DOCK6: variants seen among roughly 807,000 people sequenced by gnomAD.
DOCK6 encodes the protein dedicator of cytokinesis protein 6.
A neutral mutation model predicts 230.3 loss-of-function variants in DOCK6; 167 were observed. The ratio of observed to expected loss-of-function variants is 0.73; its 90% CI spans 0.64 to 0.82. DOCK6 has a LOEUF of 0.82. DOCK6 is among the 40% of genes least tolerant of loss of function. DOCK6 has a pLI of 0.00. For missense variants in DOCK6, 2,598 were observed against 2,825.8 expected (o/e 0.92, Z 1.83); for synonymous variants, 1,148 against 1,185.0 (o/e 0.97, Z 0.64).
chr19:11,232,190 T>G, intron 22 of DOCK6: 1 of 1,288,608 alleles, frequency 7.8e-7, no homozygotes, highest in Non-Finnish European at 1.0e-6. Context: ...GGCACCTGTC[T>G]GGGGTCGGCC....
In DOCK6 at chr19:11,236,813, C is replaced by T. The variant is rs549146148; in HGVS notation, c.2140G>A (p.Val714Met). The T allele has an allele frequency of 3.4e-4, 524 of 1,554,026 alleles. 7 individuals are homozygous for T. In the South Asian group the frequency reaches 6.0e-3, roughly 18 times the overall value. Residue 714 changes from valine to methionine, a missense_variant, in exon 19 of 48, where the codon GTG (valine) becomes ATG (methionine). Val to Met is a conservative substitution (Grantham distance 21, BLOSUM62 1). Transcript: ENST00000294618. This position sits in a 1 kb window ranked among gnomAD's most constrained non-coding sequence, Gnocchi z 5.2. ...KGVFSVELTA[V>M]SSVHPQDPYL... is the part of the protein sequence containing the mutation. The stretch of plus-strand genomic sequence containing the variant: ...CGTACCTGGGGGTGCACAGAGGACA[C>T]GGCTGTGAGCTCCACACTGAACACG...
chr19:11,257,044 T>G (rs1313576243), intron 1 of DOCK6, among the ~76,000 whole-genome samples: 2 of 151,670 alleles, frequency 1.3e-5, no homozygotes, highest in African/African-American at 4.8e-5. Flanking sequence ...TGGAATGCAG[T>G]GGTGCAATCA....
At position 11,213,165 on chromosome 19, in the gene DOCK6, C is replaced by T. The variant is rs747742624; in HGVS notation, c.4491+11G>A. ...GCCATGTGTGGACCATGCCTCCTAG[C>T]CCCCACTCACGTGGCCGATCTCGAA... On this transcript the variant is annotated intron_variant, in intron 35 of 47. Coordinates refer to ENST00000294618, the MANE Select transcript of DOCK6 (RefSeq NM_020812.4). 1 of 1,608,918 alleles carries T rather than the reference C, an allele frequency of 6.2e-7. No homozygotes were observed.
intron 37 of DOCK6, 124 bp from the exon 38 acceptor site, chr19:11,209,227 C>A: frequency 3.7e-6 from 4 of 1,088,980 alleles, no homozygotes; most frequent in Non-Finnish European, 5.3e-6. Context: ...CCAATCTCCT[C>A]ACCTGTACCC....
chr19:11,232,484 G>A (rs1364414415), intron 22 of DOCK6, among the ~76,000 whole-genome samples: 3 of 152,098 alleles, frequency 2.0e-5, no homozygotes, highest in Non-Finnish European at 4.4e-5. Flanking sequence ...GGGTCCACAG[G>A]TGCATGCATA....
chr19:11,248,558 G>A (rs977000468), intron 6 of DOCK6, among the ~76,000 whole-genome samples: 1 of 151,954 alleles, frequency 6.6e-6, no homozygotes, highest in Admixed American at 6.6e-5. Context: ...TTGCAGCTTA[G>A]CCAACACTTC....
At chr19:11,231,008 G>A (rs2079756852) in intron 22 of DOCK6, among the ~76,000 whole-genome samples, 2 of 152,150 alleles carry the variant, frequency 1.3e-5, no homozygotes, top group African/African-American at 4.8e-5. Context: ...TGCACCGTGA[G>A]GGCCTTCCAT....
chr19:11,212,567 T>G (rs1185854229), intron 35 of DOCK6, among the ~76,000 whole-genome samples: 1 of 144,158 alleles, frequency 6.9e-6, no homozygotes, highest in Non-Finnish European at 1.5e-5. Flanking sequence ...CTTTCTTTCT[T>G]TTTTTTTTTT....
intron 14 of DOCK6, chr19:11,240,375 G>A: frequency 7.2e-7 from 1 of 1,397,538 alleles, no homozygotes; most frequent in Non-Finnish European, 9.5e-7. Context: ...GAGTCCCAAA[G>A]ACCTCCCAGA....
chr19:11,232,264 A>G lies in DOCK6; in HGVS notation c.2718+939T>C, dbSNP rs1454211255. The G allele has an allele frequency of 3.1e-6, 4 of 1,289,520 alleles. No individual in the cohort carries two copies. The African/African-American group carries it at 6.1e-5, about 20-fold the overall frequency. The allele number at this position is 1,289,520 out of a possible 1,614,324, so 79.9% of individuals were successfully genotyped here. On this transcript the variant is annotated intron_variant, in intron 22 of 47. Coordinates refer to ENST00000294618, the MANE Select transcript of DOCK6 (RefSeq NM_020812.4). ...GCCTCCTGGAGCATAAGCGGAATTC[A>G]CCCAGGAGTGTGAGCGATCGATGCC...
In DOCK6 at chr19:11,199,388, G is replaced by T; in HGVS notation, c.*109C>A. On this transcript the variant is annotated 3_prime_UTR_variant, in exon 48 of 48. Transcript: ENST00000294618. Reference sequence around the variant, plus strand: ...GGCAGAGGGCCCAGCCCCAAGTACAGTGTGGTCACCCCACAGCCCAGTGGG... The same window carrying T: ...GGCAGAGGGCCCAGCCCCAAGTACATTGTGGTCACCCCACAGCCCAGTGGG... 1 of 1,318,374 alleles carries T rather than the reference G, an allele frequency of 7.6e-7. No homozygotes were observed. Among genetic ancestry groups the T allele is most frequent in the Non-Finnish European group, 1.1e-6 (1 of 935,536 alleles). 81.7% of individuals were successfully genotyped at this position (1,318,374 alleles called of 1,614,324 possible). A position where few individuals can be genotyped will look rare whatever the true frequency, so the allele number is the denominator to read the frequency against.
At position 11,200,399 on chromosome 19, in the gene DOCK6, C is replaced by T; in HGVS notation, c.6010G>A (p.Glu2004Lys). Reference sequence around the variant, plus strand: ...TCCCGCAGGCGGCAGTAGTTGCGCTCCAGCTCACGGTGGTACTCCTTCTGG... The same window carrying T: ...TCCCGCAGGCGGCAGTAGTTGCGCTTCAGCTCACGGTGGTACTCCTTCTGG... ...PDQKEYHREL[E>K]RNYCRLREAL... The change falls in exon 47 of 48, where the codon GAG becomes AAG. Residue 2004 changes from glutamate to lysine, a missense_variant. By Grantham distance (56) the Glu-to-Lys change is moderately conservative. Transcript: ENST00000294618. This position sits in a 1 kb window ranked among gnomAD's most constrained non-coding sequence, Gnocchi z 4.3. 6.2e-7 allele frequency: 1 copy of T among 1,608,486 alleles called. No individual in the cohort carries two copies. The highest frequency in any genetic ancestry group is 8.5e-7 in the Non-Finnish European group (1 of 1,177,680).
rs756189453 is a variant in DOCK6, at chr19:11,253,780, G to A, written c.45-54C>T. 2.4e-4 allele frequency: 296 copies of A among 1,226,254 alleles called. 1 individual carries two copies. The highest frequency in any genetic ancestry group is 5.7e-4 in the Middle Eastern group (3 of 5,246). 76.0% of individuals were successfully genotyped at this position (1,226,254 alleles called of 1,614,324 possible). ...GACGGGAAAACTCAGGCAGCGGAGC[G>A]GACAGATTCTTTCTATGAGGAAAAT... is the stretch of plus-strand genomic sequence containing the variant. On this transcript the variant is annotated intron_variant, in intron 1 of 47. Transcript: ENST00000294618.
At chr19:11,205,862 T>G (rs1311169843) in intron 39 of DOCK6, 1 of 150,402 alleles carries the variant, frequency 6.6e-6, no homozygotes, top group Admixed American at 6.7e-5. Context: ...CGACCTCAAG[T>G]GATCTGCCCG....
chr19:11,246,190 C>T (rs534798001), intron 7 of DOCK6, among the ~76,000 whole-genome samples: 36 of 152,092 alleles, frequency 2.4e-4, no homozygotes, highest in African/African-American at 8.0e-4. Context: ...CCTCAGCCTC[C>T]TGAGTAGCTG....
intron 28 of DOCK6, among the ~76,000 whole-genome samples, chr19:11,219,695 C>T (rs2079551707): frequency 6.6e-6 from 1 of 150,752 alleles, no homozygotes; most frequent in Admixed American, 6.6e-5. Context: ...GAGGCTGAAG[C>T]AGGAGAATGG....
chr19:11,202,698 C>T lies in DOCK6; in HGVS notation c.5247G>A (p.Gly1749=). The T allele has an allele frequency of 6.2e-7, 1 of 1,613,950 alleles. No homozygotes were observed. Among genetic ancestry groups the T allele is most frequent in the Non-Finnish European group, 8.5e-7 (1 of 1,179,912 alleles). The part of the protein sequence containing the change: ...HQSSGWERVF[G]TYFRVGFYGA... ...CGTAGAAGCCCACGCGGAAATACGT[C>T]CCGAACACGCGCTGGGGCTGTGAGA... The change falls in exon 42 of 48, where the codon GGG becomes GGA. Residue 1749 remains glycine (G), a synonymous_variant. Transcript: ENST00000294618. The surrounding 1 kb of genome is among the most constrained non-coding windows in gnomAD (Gnocchi z 5.3).
chr19:11,251,439 C>A (rs977579804), intron 5 of DOCK6: 8 of 209,310 alleles, frequency 3.8e-5, no homozygotes, highest in Middle Eastern at 1.9e-3. Flanking sequence ...TCACTGTCGC[C>A]AGGGAAGGAG....
Position 11,228,964 on chromosome 19 carries a change from G to T in DOCK6, c.2790C>A (p.His930Gln), listed in dbSNP as rs199846066. 1.2e-6 allele frequency: 2 copies of T among 1,613,812 alleles called. No individual in the cohort carries two copies. The highest frequency in any genetic ancestry group is 2.2e-5 in the East Asian group (1 of 44,872). The change falls in exon 23 of 48, where the codon CAC becomes CAA. Residue 930 changes from histidine to glutamine, a missense_variant. Transcript: ENST00000294618. Reference protein sequence around the residue: ...SSAVREAILQHAWFFFQLMVK... With the variant: ...SSAVREAILQQAWFFFQLMVK... ...CCATGAGCTGGAAGAAGAACCAGGC[G>T]TGCTGGAGGATGGCCTCGCGTACGG... is the stretch of plus-strand genomic sequence containing the variant.
Sources: gnomAD v4.1 joint callset for allele counts (sites outside exome capture counted in the v4.1 genomes callset) on GRCh38, gnomAD v4.1.1 for gene constraint, Gnocchi (gnomAD v3.1) non-coding constraint, MANE v1.5 for transcripts, NCBI Gene and HGNC (gene_info 2026-07-23, HGNC 2026-07-21) for gene names.